The following FNBP1 variants were observed in gnomAD, a reference collection of about 807,000 sequenced individuals.
The protein encoded by FNBP1 is formin-binding protein 1.
In FNBP1, 26 loss-of-function variants were observed where a neutral mutation model predicts 90.6. The ratio of observed to expected loss-of-function variants is 0.29; its 90% confidence interval spans 0.21 to 0.40. The LOEUF is 0.40. FNBP1 is among the 10% of genes least tolerant of loss of function. The probability of loss-of-function intolerance (pLI) is 1.00; values close to 1 mark genes in which losing one functional copy is unlikely to be tolerated. For missense variants in FNBP1, 635 were observed against 768.0 expected (o/e 0.83, Z 2.05); for synonymous variants, 260 against 265.2 (o/e 0.98, Z 0.19).
intron 1 of FNBP1, among the ~76,000 whole-genome samples, chr9:130,027,839 A>G (rs2058485514): frequency 6.6e-6 from 1 of 152,060 alleles, no homozygotes; most frequent in Admixed American, 6.6e-5. Flanking sequence ...TGGGCTTCCT[A>G]ACAATATGGT....
chr9:129,969,884 CCTAA>C, intron 4 of FNBP1, among the ~76,000 whole-genome samples: 1 of 135,948 alleles, frequency 7.4e-6, no homozygotes, highest in Non-Finnish European at 1.5e-5. Flanking sequence ...GATTAATATT[CCTAA>C]CTTTTTTTTT....
chr9:130,048,808 T>A, the FNBP1 span, among the ~76,000 whole-genome samples: 1 of 119,242 alleles, frequency 8.4e-6, no homozygotes, highest in Non-Finnish European at 1.7e-5. Context: ...GAGATAAGAG[T>A]CTGGCTCTGT....
In FNBP1 at chr9:129,966,060, G is replaced by A. The variant is rs2048587681; in HGVS notation, c.346-7507C>T. On this transcript the variant is annotated intron_variant, in intron 4 of 16. Transcript: ENST00000446176. The surrounding 1 kb of genome is among the most constrained non-coding windows in gnomAD (Gnocchi z 4.3). ...CAGGGCTGCTCCAGGCACGAGGAAA[G>A]CTGTGTAAACAAAACAAAGTCCCCT... is the stretch of plus-strand genomic sequence containing the variant. Among the ~76,000 whole-genome samples the A allele has an allele frequency of 6.6e-6, 1 of 152,178 alleles. No homozygotes were observed. Among genetic ancestry groups the A allele is most frequent in the South Asian group, 2.1e-4 (1 of 4,832 alleles).
At chr9:129,901,683 G>A (rs1303404207) in intron 13 of FNBP1, among the ~76,000 whole-genome samples, 5 of 152,084 alleles carry the variant, frequency 3.3e-5, no homozygotes, top group Admixed American at 6.5e-5. Context: ...AAGCCAAGGT[G>A]GGTGGAGCAT....
At chr9:129,931,357 A>G (rs1238100737) in intron 6 of FNBP1, among the ~76,000 whole-genome samples, 5 of 152,068 alleles carry the variant, frequency 3.3e-5, no homozygotes, top group East Asian at 3.9e-4. Flanking sequence ...TAATCCTAAC[A>G]CTTTGGGAGG....
rs540883839 is a variant in FNBP1 at position 129,890,017 on chromosome 9, T to C, written c.*522A>G. ...GAATCCAAAAAGGACCACTGAGGAC[T>C]TCACAGACTCAGGAGAGGAGGAAGT... is the stretch of plus-strand genomic sequence containing the variant. On this transcript the variant is annotated 3_prime_UTR_variant, in exon 17 of 17. Coordinates refer to ENST00000446176, the MANE Select transcript of FNBP1 (RefSeq NM_015033.3). This position sits in a 1 kb window ranked among gnomAD's most constrained non-coding sequence, Gnocchi z 5.8. 1.6e-5 allele frequency: 4 copies of C among 244,286 alleles called. No individual in the cohort carries two copies. Among genetic ancestry groups the C allele is most frequent in the South Asian group, 1.3e-4 (1 of 7,512 alleles). The allele number at this position is 244,286 out of a possible 1,614,324, so 15.1% of individuals were successfully genotyped here.
intron 1 of FNBP1, among the ~76,000 whole-genome samples, chr9:130,032,517 A>G (rs2058896699): frequency 1.3e-5 from 2 of 152,296 alleles, no homozygotes; most frequent in Admixed American, 6.5e-5. Flanking sequence ...TGAAGAATAT[A>G]TTTTACATAC....
chr9:130,038,878 T>G (rs1175863209), intron 1 of FNBP1, among the ~76,000 whole-genome samples: 3 of 152,180 alleles, frequency 2.0e-5, no homozygotes, highest in African/African-American at 7.2e-5. Flanking sequence ...AAGAGAATAA[T>G]TACGAGGAAG....
intron 11 of FNBP1, among the ~76,000 whole-genome samples, chr9:129,913,292 T>A (rs1020741946): frequency 6.6e-6 from 1 of 152,160 alleles, no homozygotes; most frequent in South Asian, 2.1e-4. Context: ...TCTGTGCAGG[T>A]GTATAAACAG....
chr9:129,942,470 A>G (rs1055918822), intron 6 of FNBP1, among the ~76,000 whole-genome samples: 2 of 152,082 alleles, frequency 1.3e-5, no homozygotes, highest in African/African-American at 4.8e-5. Context: ...TTGTCATCTT[A>G]CCTCAACCTG....
chr9:130,053,842 C>G, the FNBP1 span: 1 of 1,280,568 alleles, frequency 7.8e-7, no homozygotes, highest in Non-Finnish European at 1.1e-6. Context: ...AGCTAGCCGC[C>G]GAGCCCCGCT....
intron 1 of FNBP1, among the ~76,000 whole-genome samples, chr9:130,018,398 C>T (rs796123363): frequency 3.2e-4 from 49 of 152,170 alleles, no homozygotes; most frequent in African/African-American, 1.2e-3. Flanking sequence ...AGTGAAGTGA[C>T]TTCACCCCTA....
intron 1 of FNBP1, among the ~76,000 whole-genome samples, chr9:130,012,451 C>T (rs774296385): frequency 7.2e-5 from 11 of 151,916 alleles, no homozygotes; most frequent in Non-Finnish European, 1.0e-4. Flanking sequence ...ATAAGAGGTA[C>T]GGGGATAATT....
At chr9:130,012,735 G>A (rs530540044) in intron 1 of FNBP1, among the ~76,000 whole-genome samples, 2 of 152,220 alleles carry the variant, frequency 1.3e-5, no homozygotes, top group African/African-American at 2.4e-5. Flanking sequence ...CATCTCCTGG[G>A]TTCAAGCGAT....
chr9:130,033,097 T>C (rs903290508), intron 1 of FNBP1, among the ~76,000 whole-genome samples: 2 of 152,172 alleles, frequency 1.3e-5, no homozygotes, highest in Non-Finnish European at 2.9e-5. Context: ...GACCAGAGTT[T>C]TTTTCATTAA....
chr9:129,893,612 C>CAAAAAAAAAAAAAAAAAAAAA lies in FNBP1; in HGVS notation c.1846+2205_1846+2225dup, dbSNP rs1216398298. ...TAGGTGACAGAGTGAGACTCTGTCT[C>CAAAAAAAAAAAAAAAAAAAAA]AAAAAAAAAAAAAAAAAAAAAAAAA... On this transcript the variant is annotated intron_variant, in intron 16 of 16. Coordinates refer to ENST00000446176, the MANE Select transcript of FNBP1 (RefSeq NM_015033.3). Among the ~76,000 whole-genome samples, 3 of 22,314 alleles carry CAAAAAAAAAAAAAAAAAAAAA rather than the reference C, an allele frequency of 1.3e-4. 1 individual carries two copies. Among genetic ancestry groups the CAAAAAAAAAAAAAAAAAAAAA allele is most frequent in the Non-Finnish European group, 2.4e-4 (3 of 12,398 alleles). The allele number at this position is 22,314 out of a possible 152,430, so 14.6% of individuals were successfully genotyped here. A position where few individuals can be genotyped will look rare whatever the true frequency, so the allele number is the denominator to read the frequency against.
At chr9:129,985,247 G>T (rs2051968888) in intron 2 of FNBP1, among the ~76,000 whole-genome samples, 1 of 152,088 alleles carries the variant, frequency 6.6e-6, no homozygotes, top group African/African-American at 2.4e-5. Context: ...CATCAGAGCA[G>T]ACAGGGCACT....
In FNBP1 at chr9:129,888,879, G is replaced by C; in HGVS notation, c.*1660C>G. On this transcript the variant is annotated 3_prime_UTR_variant, in exon 17 of 17. Coordinates refer to ENST00000446176, the MANE Select transcript of FNBP1 (RefSeq NM_015033.3). The stretch of plus-strand genomic sequence containing the variant: ...CCTTTGGCTTCTATAGGACTTCCTT[G>C]TCTTAGATTCATAAACAGCAAGAGG... 4.3e-6 allele frequency: 1 copy of C among 232,362 alleles called. No individual in the cohort carries two copies. The highest frequency in any genetic ancestry group is 6.1e-5 in the East Asian group (1 of 16,486). The allele number at this position is 232,362 out of a possible 1,614,324, so 14.4% of individuals were successfully genotyped here.
Position 129,966,128 on chromosome 9 carries a change from G to T in FNBP1, c.346-7575C>A, listed in dbSNP as rs2048601074. 6.6e-6 allele frequency among the ~76,000 whole-genome samples: 1 copy of T among 152,206 alleles called. No homozygotes were observed. Among genetic ancestry groups the T allele is most frequent in the South Asian group, 2.1e-4 (1 of 4,836 alleles). Reference sequence around the variant, plus strand: ...TGGATCCAGAAGTAAGACAAACAGGGTAAAGGAATAAGGAGGGATGGGTGT... The same window carrying T: ...TGGATCCAGAAGTAAGACAAACAGGTTAAAGGAATAAGGAGGGATGGGTGT... On this transcript the variant is annotated intron_variant, in intron 4 of 16. Transcript: ENST00000446176. The surrounding 1 kb of genome is among the most constrained non-coding windows in gnomAD (Gnocchi z 4.3).
Sources: allele counts gnomAD v4.1 joint callset (sites outside exome capture counted in the v4.1 genomes callset), GRCh38; gene constraint gnomAD v4.1.1; non-coding constraint Gnocchi (gnomAD v3.1); transcripts MANE v1.5; gene names NCBI Gene and HGNC (gene_info 2026-07-23, HGNC 2026-07-21).